The following NTM variants were observed in gnomAD, a reference collection of about 807,000 sequenced individuals.
NTM encodes neurotrimin.
In NTM, 13 loss-of-function variants were observed where a neutral mutation model predicts 42.1. The ratio of observed to expected loss-of-function variants is 0.31; its 90% CI spans 0.20 to 0.49. The LOEUF is 0.49. Among genes scored for constraint, NTM ranks in the 20% least tolerant of loss-of-function variants. The pLI, the probability that NTM is intolerant of heterozygous loss-of-function variation, is 0.99. For synonymous variants in NTM, 187 were observed against 179.2 expected (o/e 1.04, Z -0.35); for missense variants, 373 against 452.8 (o/e 0.82, Z 1.60).
chr11:131,618,085 C>T (rs2062136299), intron 1 of NTM, among the ~76,000 whole-genome samples: 1 of 152,170 alleles, frequency 6.6e-6, no homozygotes, highest in Non-Finnish European at 1.5e-5. Flanking sequence ...CTTGAGGCTG[C>T]TCATTTGCAA....
rs376293819 is a variant in NTM, at chr11:132,181,206, A to C, written c.401-30816A>C. On this transcript the variant is annotated intron_variant, in intron 3 of 8. Transcript: ENST00000683400. ...ACTTTCACCCAACTCTCACCACTCC[A>C]TCTCAGTTTCTTTTCTTTATCCACC... is the stretch of plus-strand genomic sequence containing the variant. Among the ~76,000 whole-genome samples, 22 of 152,192 alleles carry C rather than the reference A, an allele frequency of 1.4e-4. 1 individual carries two copies. Among genetic ancestry groups the C allele is most frequent in the African/African-American group, 5.1e-4 (21 of 41,520 alleles).
At chr11:132,265,324 C>T (rs562777342) in intron 4 of NTM, among the ~76,000 whole-genome samples, 83 of 152,312 alleles carry the variant, frequency 5.4e-4, no homozygotes, top group Admixed American at 4.2e-3. Flanking sequence ...TGGTTTTGTA[C>T]GCAAACGTAG....
intron 1 of NTM, among the ~76,000 whole-genome samples, chr11:131,658,689 G>T (rs182479088): frequency 8.8e-4 from 134 of 152,342 alleles, no homozygotes; most frequent in African/African-American, 2.9e-3. Flanking sequence ...GGTGTAAGCG[G>T]CCGGACGCGG....
In NTM at chr11:131,665,715, G is replaced by C. The variant is rs183882121; in HGVS notation, c.83-245849G>C. 1.6e-3 allele frequency among the ~76,000 whole-genome samples: 247 copies of C among 152,284 alleles called. 3 individuals are homozygous for C. In the Middle Eastern group the frequency reaches 0.02, roughly 13 times the overall value. ...ATGGCAGCTCTAGCAAACTAACAAA[G>C]TCACAAAATGCATTCATCTAGACTC... On this transcript the variant is annotated intron_variant, in intron 1 of 8. Transcript: ENST00000683400.
chr11:131,699,600 A>G (rs61901619), intron 1 of NTM, among the ~76,000 whole-genome samples: 10 of 152,280 alleles, frequency 6.6e-5, no homozygotes, highest in Admixed American at 2.6e-4. Flanking sequence ...CTTATAAAGG[A>G]AAGAGGTTTA....
At chr11:132,123,964 G>A (rs1473893999) in intron 2 of NTM, among the ~76,000 whole-genome samples, 2 of 152,172 alleles carry the variant, frequency 1.3e-5, no homozygotes, top group South Asian at 2.1e-4. Context: ...GTAGGATCCA[G>A]TGCCTGCTTT....
intron 1 of NTM, among the ~76,000 whole-genome samples, chr11:131,720,317 T>C (rs1364861237): frequency 6.6e-6 from 1 of 152,190 alleles, no homozygotes; most frequent in Non-Finnish European, 1.5e-5. Flanking sequence ...TGTGTTTACG[T>C]TCGAATCCCA....
chr11:131,976,277 A>T (rs1593327184), intron 2 of NTM, among the ~76,000 whole-genome samples: 1 of 152,140 alleles, frequency 6.6e-6, no homozygotes, highest in Middle Eastern at 3.4e-3. Flanking sequence ...GGAAGCTTAT[A>T]CCCGAGCATG....
intron 7 of NTM, among the ~76,000 whole-genome samples, chr11:132,323,861 C>A (rs1271664963): frequency 6.6e-6 from 1 of 150,490 alleles, no homozygotes; most frequent in African/African-American, 2.4e-5. Context: ...GGATGCAAGG[C>A]TGGTTCAATA....
At chr11:131,795,320 G>A (rs779645280) in intron 1 of NTM, 74 of 856,898 alleles carry the variant, frequency 8.6e-5, no homozygotes, top group Admixed American at 1.2e-4. Flanking sequence ...GTGCCCAGGC[G>A]CTCCTAATAT....
At position 131,409,711 on chromosome 11, in the gene NTM, G is replaced by A. The variant is rs116086030; in HGVS notation, c.82+38823G>A. ...CCGTTTTCCCTTTCTTCTGGAGCAG[G>A]CACAAGGCACTGACTTCATTTTGCA... On this transcript the variant is annotated intron_variant, in intron 1 of 8. Coordinates refer to ENST00000683400, the MANE Select transcript of NTM (RefSeq NM_001352005.2). 5.9e-3 allele frequency among the ~76,000 whole-genome samples: 898 copies of A among 152,250 alleles called. 9 individuals carry two copies. The highest frequency in any genetic ancestry group is 0.02 in the African/African-American group (845 of 41,546).
intron 4 of NTM, among the ~76,000 whole-genome samples, chr11:132,215,365 T>C (rs2083632529): frequency 6.6e-6 from 1 of 152,264 alleles, no homozygotes; most frequent in African/African-American, 2.4e-5. Context: ...TAAAAGTCCT[T>C]GTTTCCTTCA....
chr11:131,473,274 G>A (rs563892146), intron 1 of NTM, among the ~76,000 whole-genome samples: 1 of 152,226 alleles, frequency 6.6e-6, no homozygotes, highest in East Asian at 1.9e-4. Flanking sequence ...ACCTTGGGCT[G>A]TGGCATGGCA....
At chr11:132,074,348 T>C (rs139889146) in intron 2 of NTM, among the ~76,000 whole-genome samples, 2 of 152,178 alleles carry the variant, frequency 1.3e-5, no homozygotes, top group Non-Finnish European at 2.9e-5. Flanking sequence ...GAAACCTGCC[T>C]CAGAAGTTTG....
intron 4 of NTM, among the ~76,000 whole-genome samples, chr11:132,247,648 C>T (rs942509324): frequency 2.6e-4 from 40 of 152,246 alleles, no homozygotes; most frequent in African/African-American, 9.6e-4. Context: ...CCAGGGTCTT[C>T]AAGCAGGAGG....
At chr11:131,790,188 T>C (rs1433912207) in intron 1 of NTM, among the ~76,000 whole-genome samples, 1 of 152,046 alleles carries the variant, frequency 6.6e-6, no homozygotes, top group Non-Finnish European at 1.5e-5. Context: ...GAGAAAAAGA[T>C]TGATAAGATC....
intron 1 of NTM, among the ~76,000 whole-genome samples, chr11:131,870,069 G>A (rs2047621561): frequency 6.6e-6 from 1 of 152,222 alleles, no homozygotes; most frequent in Non-Finnish European, 1.5e-5. Flanking sequence ...TTCAGGAGGT[G>A]AAGCTGGGAT....
chr11:132,314,574 G>A lies in NTM; in HGVS notation c.805G>A (p.Val269Met), dbSNP rs2095373590. The A allele has an allele frequency of 6.2e-7, 1 of 1,613,060 alleles. No homozygotes were observed. Among genetic ancestry groups the A allele is most frequent in the South Asian group, 1.1e-5 (1 of 90,758 alleles). Residue 269 changes from valine to methionine, a missense_variant, in exon 7 of 9, where the codon GTG becomes ATG. Val to Met is a conservative substitution (Grantham distance 21). Transcript: ENST00000683400. The stretch of plus-strand genomic sequence containing the variant: ...CAGACTGATTGAAGGAAAGAAAGGG[G>A]TGAAAGTGGAAAACAGACCTTTCCT... ...DKRLIEGKKG[V>M]KVENRPFLSK...
chr11:131,756,347 G>A (rs907237256), intron 1 of NTM, among the ~76,000 whole-genome samples: 3 of 152,090 alleles, frequency 2.0e-5, no homozygotes, highest in African/African-American at 4.8e-5. Flanking sequence ...ATTTTGGGAG[G>A]CCAAGGCAAG....
Sources: allele counts gnomAD v4.1 joint callset (sites outside exome capture counted in the v4.1 genomes callset), GRCh38; gene constraint gnomAD v4.1.1; transcripts MANE v1.5; gene names NCBI Gene and HGNC (gene_info 2026-07-23, HGNC 2026-07-21).